DTD1: variants seen among roughly 807,000 people sequenced by gnomAD.
DTD1 encodes the protein D-tyrosyl-tRNA deacylase 1 homolog.
DTD1 carries 13 observed loss-of-function variants against 25.6 expected under a neutral mutation model. The observed-to-expected ratio is 0.51, with a 90% CI of 0.33 to 0.81. The LOEUF is 0.81. Among genes scored for constraint, DTD1 ranks in the 30% least tolerant of loss-of-function variants. The probability of loss-of-function intolerance (pLI) is 0.02; values close to 1 mark genes in which losing one functional copy is unlikely to be tolerated. For missense variants in DTD1, 193 were observed against 266.4 expected (o/e 0.72, Z 1.92); for synonymous variants, 110 against 103.6 (o/e 1.06, Z -0.37).
intron 3 of DTD1, among the ~76,000 whole-genome samples, chr20:18,599,655 C>T (rs1473960109): frequency 2.0e-5 from 3 of 152,186 alleles, no homozygotes; most frequent in African/African-American, 7.2e-5. Flanking sequence ...ACGAGAGTTC[C>T]TGTGGCTCCC....
At chr20:18,643,736 C>T (rs2060839420) in intron 4 of DTD1, 1 of 152,232 alleles carries the variant, frequency 6.6e-6, no homozygotes, top group African/African-American at 2.4e-5. Flanking sequence ...ATCATTTCCT[C>T]AGTCTTTCCT....
Position 18,640,582 on chromosome 20 carries a change from A to G in DTD1, c.477+12349A>G, listed in dbSNP as rs1600337706. Among the ~76,000 whole-genome samples, 3 of 151,530 alleles carry G rather than the reference A, an allele frequency of 2.0e-5. No individual in the cohort carries two copies. In the South Asian group the frequency reaches 6.3e-4, roughly 32 times the overall value. On this transcript the variant is annotated intron_variant, in intron 4 of 5. Coordinates refer to ENST00000377452, the MANE Select transcript of DTD1 (RefSeq NM_080820.6). ...AGGTATACAGTTTCGTGGCATTAGT[A>G]TATTCACATTGTTATGCAACTTTTA...
chr20:18,738,251 C>G (rs1370392934), intron 4 of DTD1, among the ~76,000 whole-genome samples: 3 of 152,188 alleles, frequency 2.0e-5, no homozygotes, highest in African/African-American at 7.2e-5. Flanking sequence ...TGGGTGTGGT[C>G]CCCCTCAGCC....
intron 5 of DTD1, among the ~76,000 whole-genome samples, chr20:18,744,839 A>G (rs757302688): frequency 6.6e-6 from 1 of 152,086 alleles, no homozygotes; most frequent in Non-Finnish European, 1.5e-5. Context: ...GGGAGCTACA[A>G]TTCAAGATGA....
intron 3 of DTD1, among the ~76,000 whole-genome samples, chr20:18,606,591 T>C (rs2060659414): frequency 1.9e-5 from 2 of 106,416 alleles, no homozygotes; most frequent in South Asian, 5.8e-4. Flanking sequence ...TGGAATACTA[T>C]GCAGCCATAA....
At chr20:18,634,447 A>G (rs570513815) in intron 4 of DTD1, among the ~76,000 whole-genome samples, 2 of 152,320 alleles carry the variant, frequency 1.3e-5, no homozygotes, top group African/African-American at 4.8e-5. Context: ...GAAATGCTGG[A>G]AGGAGCTAAA....
At chr20:18,612,347 T>C (rs1361941654) in intron 3 of DTD1, among the ~76,000 whole-genome samples, 1 of 152,166 alleles carries the variant, frequency 6.6e-6, no homozygotes, top group Admixed American at 6.5e-5. Context: ...ACATGTTTAT[T>C]ATTATTGTTA....
intron 1 of DTD1, among the ~76,000 whole-genome samples, chr20:18,593,514 G>A (rs1028817794): frequency 2.6e-5 from 4 of 152,118 alleles, no homozygotes; most frequent in African/African-American, 7.2e-5. Context: ...TCACTTTACA[G>A]CTCCCATTCA....
At chr20:18,629,490 G>A (rs929516492) in intron 4 of DTD1, among the ~76,000 whole-genome samples, 2 of 151,420 alleles carry the variant, frequency 1.3e-5, no homozygotes, top group African/African-American at 4.9e-5. Context: ...TGTAGAGAGG[G>A]AGTTTTACCA....
At chr20:18,668,836 A>T (rs1335030423) in intron 4 of DTD1, among the ~76,000 whole-genome samples, 1 of 152,216 alleles carries the variant, frequency 6.6e-6, no homozygotes, top group Non-Finnish European at 1.5e-5. Flanking sequence ...CTAGAGCTGA[A>T]TGTGAGGTCA....
chr20:18,715,800 A>T (rs1196933191), intron 4 of DTD1, among the ~76,000 whole-genome samples: 1 of 152,162 alleles, frequency 6.6e-6, no homozygotes, highest in African/African-American at 2.4e-5. Flanking sequence ...GTTGTCATTC[A>T]TAGGCTTCAC....
intron 1 of DTD1, among the ~76,000 whole-genome samples, chr20:18,590,989 G>C (rs187955010): frequency 2.0e-4 from 31 of 152,300 alleles, no homozygotes; most frequent in Admixed American, 1.6e-3. Context: ...CAAAGGTTAT[G>C]AATTCTTGAA....
At chr20:18,712,975 C>T (rs962782512) in intron 4 of DTD1, among the ~76,000 whole-genome samples, 5 of 152,238 alleles carry the variant, frequency 3.3e-5, no homozygotes, top group African/African-American at 1.2e-4. Context: ...ATGGGATTAC[C>T]ATTTTAACCT....
chr20:18,698,913 T>C (rs2061090867), intron 4 of DTD1, among the ~76,000 whole-genome samples: 1 of 152,214 alleles, frequency 6.6e-6, no homozygotes, highest in Admixed American at 6.5e-5. Context: ...CTCTGTCCTC[T>C]ACCTCATCTC....
chr20:18,632,210 G>A lies in DTD1; in HGVS notation c.477+3977G>A, dbSNP rs947691943. On this transcript the variant is annotated intron_variant, in intron 4 of 5. Transcript: ENST00000377452. ...AGTAGGCATTTTTTAAACTTCTAAC[G>A]AGCCATGTTAACTTATAAGGATTAA... 7 of 985,164 alleles carry A rather than the reference G, an allele frequency of 7.1e-6. No homozygotes were observed. The East Asian group carries it at 5.7e-4, about 80-fold the overall frequency. The allele number at this position is 985,164 out of a possible 1,614,324, so 61.0% of individuals were successfully genotyped here.
chr20:18,726,456 A>G (rs1204858609), intron 4 of DTD1, among the ~76,000 whole-genome samples: 4 of 152,190 alleles, frequency 2.6e-5, no homozygotes, highest in Non-Finnish European at 4.4e-5. Flanking sequence ...GTTTTTGTCA[A>G]TCAAGGGTTT....
intron 5 of DTD1, among the ~76,000 whole-genome samples, chr20:18,757,751 G>T (rs551204595): frequency 1.2e-4 from 18 of 152,282 alleles, no homozygotes; most frequent in African/African-American, 3.9e-4. Flanking sequence ...TTGTGTCTCT[G>T]CCAGACTTTG....
chr20:18,599,824 G>T (rs2060626232), intron 3 of DTD1, among the ~76,000 whole-genome samples: 1 of 152,164 alleles, frequency 6.6e-6, no homozygotes, highest in Non-Finnish European at 1.5e-5. Context: ...CTTTGGTGAG[G>T]TATCTGTTAA....
intron 4 of DTD1, among the ~76,000 whole-genome samples, chr20:18,648,995 C>CAAAAAAAAAA (rs57780175): frequency 2.7e-4 from 15 of 56,274 alleles, no homozygotes; most frequent in East Asian, 6.8e-4. Context: ...GACTCCATCT[C>CAAAAAAAAAA]AAAAAAAAAA....
Sources: allele counts gnomAD v4.1 joint callset (sites outside exome capture counted in the v4.1 genomes callset), GRCh38; gene constraint gnomAD v4.1.1; transcripts MANE v1.5; gene names NCBI Gene and HGNC (gene_info 2026-07-23, HGNC 2026-07-21).